The following CFH variants were observed in gnomAD, a reference collection of about 807,000 sequenced individuals.
The protein encoded by CFH is complement factor H.
In CFH, 53 loss-of-function variants were observed where a neutral mutation model predicts 147.3. The ratio of observed to expected loss-of-function variants is 0.36; its 90% confidence interval spans 0.29 to 0.45. The LOEUF (loss-of-function observed/expected upper bound fraction) is 0.45. Ranked by LOEUF, CFH falls within the 20% of genes least tolerant of loss-of-function variation. The pLI is 1.00. For missense variants in CFH, 1,380 were observed against 1,498.0 expected (o/e 0.92, Z 1.30); for synonymous variants, 536 against 489.4 (o/e 1.10, Z -1.26).
chr1:196,660,465 T>A (rs1018941927), intron 1 of CFH, among the ~76,000 whole-genome samples: 2 of 152,176 alleles, frequency 1.3e-5, no homozygotes, highest in Non-Finnish European at 2.9e-5. Flanking sequence ...AAGAATCACT[T>A]GTCACTCTGT....
intron 7 of CFH, among the ~76,000 whole-genome samples, chr1:196,687,655 C>T (rs989334025): frequency 1.3e-5 from 2 of 151,876 alleles, no homozygotes. Context: ...CTCAAGCTTT[C>T]CCAATGCAGA....
At chr1:196,712,083 A>G (rs1203151912) in intron 9 of CFH, among the ~76,000 whole-genome samples, 1 of 152,106 alleles carries the variant, frequency 6.6e-6, no homozygotes, top group Non-Finnish European at 1.5e-5. Flanking sequence ...AATTTCTCCC[A>G]GCATAAAGTC....
chr1:196,673,043 T>G lies in CFH; in HGVS notation c.124T>G (p.Tyr42Asp). 6.2e-7 allele frequency: 1 copy of G among 1,614,068 alleles called. No homozygotes were observed. Among genetic ancestry groups the G allele is most frequent in the Non-Finnish European group, 8.5e-7 (1 of 1,179,990 alleles). The change falls in exon 2 of 22, where the codon TAT (tyrosine) becomes GAT (aspartate). Residue 42 changes from tyrosine (Y) to aspartate (D), a missense_variant. Around this residue, in one of 4 missense-constraint regions of CFH, gnomAD observed 260 missense variants for 263.3 expected, o/e 0.99. Transcript: ENST00000367429. ...ILTGSWSDQTYPEGTQAIYKC... is the reference protein window; with the variant it reads ...ILTGSWSDQTDPEGTQAIYKC... ...GACAGGTTCCTGGTCTGACCAAACA[T>G]ATCCAGAAGGCACCCAGGCTATCTA...
chr1:196,716,889 A>T (rs1668882122), intron 11 of CFH, among the ~76,000 whole-genome samples: 1 of 152,078 alleles, frequency 6.6e-6, no homozygotes, highest in South Asian at 2.1e-4. Flanking sequence ...TGGATATGTG[A>T]AGTGTGGAGT....
At chr1:196,695,072 C>A (rs1042411664) in intron 9 of CFH, among the ~76,000 whole-genome samples, 12 of 152,178 alleles carry the variant, frequency 7.9e-5, no homozygotes, top group Non-Finnish European at 1.6e-4. Context: ...GTCATGAAGT[C>A]TTTGCCCATG....
intron 1 of CFH, among the ~76,000 whole-genome samples, chr1:196,653,507 C>T (rs989591663): frequency 1.3e-5 from 2 of 151,932 alleles, no homozygotes; most frequent in Admixed American, 6.6e-5. Context: ...TTCATACCTA[C>T]ATACTGTTTG....
intron 9 of CFH, among the ~76,000 whole-genome samples, chr1:196,699,608 C>T (rs574523467): frequency 6.6e-6 from 1 of 152,222 alleles, no homozygotes; most frequent in East Asian, 1.9e-4. Flanking sequence ...TAAACCAAGG[C>T]CATATACAGT....
At chr1:196,698,201 G>A (rs191415086) in intron 9 of CFH, among the ~76,000 whole-genome samples, 2 of 151,918 alleles carry the variant, frequency 1.3e-5, no homozygotes, top group African/African-American at 4.8e-5. Context: ...AAATTCAAAA[G>A]CTAGCAGAAG....
chr1:196,719,857 A>T (rs1668957829), intron 11 of CFH, among the ~76,000 whole-genome samples: 1 of 151,676 alleles, frequency 6.6e-6, no homozygotes, highest in African/African-American at 2.4e-5. Context: ...TTGCCTTTCC[A>T]TGTGAACTTG....
chr1:196,661,473 C>A (rs951054456), intron 1 of CFH, among the ~76,000 whole-genome samples: 7 of 152,114 alleles, frequency 4.6e-5, no homozygotes, highest in Admixed American at 3.9e-4. Context: ...ATAGTACCAG[C>A]AGATTCAGTG....
At chr1:196,714,631 A>ATATG (rs1222013838) in intron 10 of CFH, among the ~76,000 whole-genome samples, 26 of 63,640 alleles carry the variant, frequency 4.1e-4, no homozygotes, top group Non-Finnish European at 6.1e-4. Context: ...GTATACGTAT[A>ATATG]TATGTATATA....
intron 15 of CFH, among the ~76,000 whole-genome samples, chr1:196,728,915 ATATC>A (rs1669214918): frequency 6.6e-6 from 1 of 151,502 alleles, no homozygotes; most frequent in Non-Finnish European, 1.5e-5. Context: ...GTATGTATCT[ATATC>A]TATTTCTGTT....
chr1:196,667,132 T>C (rs1312475436), intron 1 of CFH, among the ~76,000 whole-genome samples: 1 of 152,194 alleles, frequency 6.6e-6, no homozygotes, highest in Admixed American at 6.5e-5. Context: ...TTATTTCTGT[T>C]ATATTTTGAA....
Position 196,747,224 on chromosome 1 carries a change from C to G in CFH, c.3607C>G (p.Arg1203Gly), listed in dbSNP as rs145347741. The G allele has an allele frequency of 6.2e-7, 1 of 1,613,798 alleles. No individual in the cohort carries two copies. The highest frequency in any genetic ancestry group is 1.1e-5 in the South Asian group (1 of 91,058). ...TGESVEFVCK[R>G]GYRLSSRSHT... is the part of the protein sequence containing the mutation. ...TGAATCAGTTGAATTTGTGTGTAAA[C>G]GGGGATATCGTCTTTCATCACGTTC... is the stretch of plus-strand genomic sequence containing the variant. Residue 1203 changes from arginine (R) to glycine (G), a missense_variant, in exon 22 of 22, where the codon CGG becomes GGG. Transcript: ENST00000367429.
intron 9 of CFH, among the ~76,000 whole-genome samples, chr1:196,705,252 A>G (rs1351290752): frequency 6.6e-6 from 1 of 152,148 alleles, no homozygotes; most frequent in African/African-American, 2.4e-5. Context: ...AAAATCACAA[A>G]TATTGAAAAA....
At chr1:196,656,032 A>T (rs1330596795) in intron 1 of CFH, among the ~76,000 whole-genome samples, 1 of 152,222 alleles carries the variant, frequency 6.6e-6, no homozygotes, top group Non-Finnish European at 1.5e-5. Flanking sequence ...CAGGCCGGGC[A>T]TGGTGGCTCA....
chr1:196,725,087 T>C (rs752357496), intron 11 of CFH, 34 bp from the exon 12 acceptor site: 4 of 1,564,380 alleles, frequency 2.6e-6, no homozygotes. Context: ...TGATTAATTA[T>C]ATATTCTCAT....
chr1:196,676,727 AT>A (rs1437381209), intron 4 of CFH, among the ~76,000 whole-genome samples: 1 of 152,150 alleles, frequency 6.6e-6, no homozygotes, highest in African/African-American at 2.4e-5. Context: ...CGTGATAATC[AT>A]TCAAAAACTG....
chr1:196,674,980 T>A (rs890332861), intron 3 of CFH, among the ~76,000 whole-genome samples: 1 of 152,174 alleles, frequency 6.6e-6, no homozygotes, highest in African/African-American at 2.4e-5. Context: ...AGTCACTACC[T>A]GAGGGAGGTT....
Sources: gnomAD v4.1 joint callset for allele counts (sites outside exome capture counted in the v4.1 genomes callset) on GRCh38, gnomAD v4.1.1 for gene constraint, gnomAD v4.1.1 regional missense constraint, MANE v1.5 for transcripts, NCBI Gene and HGNC (gene_info 2026-07-23, HGNC 2026-07-21) for gene names.